CADM2: variants seen among roughly 807,000 people sequenced by gnomAD.
CADM2 encodes the protein immunoglobulin superfamily member 4D.
A neutral mutation model predicts 49.8 loss-of-function variants in CADM2; 12 were observed. The ratio of observed to expected loss-of-function variants is 0.24; its 90% CI spans 0.15 to 0.39. The LOEUF is 0.39. Ranked by LOEUF, CADM2 falls within the 10% of genes least tolerant of loss-of-function variation. The probability of loss-of-function intolerance (pLI) is 1.00; values close to 1 mark genes in which losing one functional copy is unlikely to be tolerated. For synonymous variants in CADM2, 214 were observed against 175.4 expected (o/e 1.22, Z -1.74); for missense variants, 378 against 492.3 (o/e 0.77, Z 2.20).
At chr3:86,012,611 G>C in intron 8 of CADM2, 1 of 1,581,748 alleles carries the variant, frequency 6.3e-7, no homozygotes, top group South Asian at 1.1e-5. Flanking sequence ...CACGCAGTCC[G>C]ACCTGGCCTT....
intron 3 of CADM2, among the ~76,000 whole-genome samples, chr3:85,868,574 G>T (rs2075806812): frequency 1.3e-5 from 2 of 152,100 alleles, no homozygotes; most frequent in South Asian, 2.1e-4. Context: ...TAAATTGGTT[G>T]GTTATGAAAT....
chr3:86,002,126 G>A (rs1482650201), intron 8 of CADM2, among the ~76,000 whole-genome samples: 2 of 151,996 alleles, frequency 1.3e-5, no homozygotes, highest in African/African-American at 4.8e-5. Context: ...CAAAGTAGCT[G>A]GGATTATTAA....
intron 1 of CADM2, among the ~76,000 whole-genome samples, chr3:85,694,652 A>G (rs759225366): frequency 9.9e-5 from 15 of 152,234 alleles, no homozygotes; most frequent in Non-Finnish European, 2.1e-4. Flanking sequence ...TCATTTGATC[A>G]TTTAATTAAA....
intron 1 of CADM2, among the ~76,000 whole-genome samples, chr3:84,999,666 T>C (rs1342823567): frequency 6.6e-6 from 1 of 152,198 alleles, no homozygotes; most frequent in African/African-American, 2.4e-5. Context: ...CAGCTGAGAA[T>C]GTGCATATCA....
At chr3:85,515,516 G>A (rs192714487) in intron 1 of CADM2, among the ~76,000 whole-genome samples, 201 of 148,424 alleles carry the variant, frequency 1.4e-3, no homozygotes, top group Non-Finnish European at 2.2e-3. Context: ...CTCTGCCCCC[G>A]GGTTCAAGCG....
chr3:85,331,168 A>G (rs1156334915), intron 1 of CADM2, among the ~76,000 whole-genome samples: 2 of 152,006 alleles, frequency 1.3e-5, no homozygotes, highest in Admixed American at 6.6e-5. Flanking sequence ...AAAATATGCC[A>G]TAAAATTTTC....
rs60304284 is a variant in CADM2 at position 85,519,085 on chromosome 3, T to C, written c.62-207437T>C. ...AGTATAATGTAAATAATTATAAATA[T>C]ATGTATAATAGAGCATTACACAAAT... On this transcript the variant is annotated intron_variant, in intron 1 of 9. Coordinates refer to ENST00000383699, the MANE Select transcript of CADM2 (RefSeq NM_001167675.2). Among the ~76,000 whole-genome samples, 202 of 152,170 alleles carry C rather than the reference T, an allele frequency of 1.3e-3. 7 individuals carry two copies. The East Asian group carries it at 0.035, about 27-fold the overall frequency.
intron 6 of CADM2, 46 bp downstream of exon 6, chr3:85,912,589 C>T: frequency 6.5e-7 from 1 of 1,542,750 alleles, no homozygotes; most frequent in Non-Finnish European, 8.9e-7. Context: ...CAGCAAATCT[C>T]TTCATCTGCA....
At chr3:85,834,552 G>A (rs1290996480) in intron 3 of CADM2, among the ~76,000 whole-genome samples, 1 of 151,552 alleles carries the variant, frequency 6.6e-6, no homozygotes, top group Non-Finnish European at 1.5e-5. Context: ...TCTGCTTTAT[G>A]TTGGACAATT....
chr3:85,670,331 G>C (rs190129001), intron 1 of CADM2, among the ~76,000 whole-genome samples: 25 of 152,040 alleles, frequency 1.6e-4, no homozygotes, highest in Non-Finnish European at 3.4e-4. Flanking sequence ...ACACATATTT[G>C]TTTTATTCTA....
At chr3:85,617,931 CT>C (rs1288190110) in intron 1 of CADM2, among the ~76,000 whole-genome samples, 1 of 152,066 alleles carries the variant, frequency 6.6e-6, no homozygotes, top group East Asian at 1.9e-4. Context: ...AGGAAGGTGC[CT>C]TTTTTTAAAA....
chr3:85,610,417 A>G (rs1030135513), intron 1 of CADM2, among the ~76,000 whole-genome samples: 2 of 151,962 alleles, frequency 1.3e-5, no homozygotes, highest in South Asian at 2.1e-4. Flanking sequence ...GTTGATATTA[A>G]TAGAGTCACT....
chr3:85,111,816 T>A (rs1240089933), intron 1 of CADM2, among the ~76,000 whole-genome samples: 1 of 151,920 alleles, frequency 6.6e-6, no homozygotes, highest in Non-Finnish European at 1.5e-5. Context: ...TTTAAGGAAA[T>A]GCCATCAACT....
intron 1 of CADM2, among the ~76,000 whole-genome samples, chr3:85,351,376 G>A (rs370958557): frequency 6.6e-6 from 1 of 152,044 alleles, no homozygotes; most frequent in African/African-American, 2.4e-5. Context: ...CATCAAAATA[G>A]GCATAACGTA....
At chr3:85,071,160 T>C (rs1434424641) in intron 1 of CADM2, among the ~76,000 whole-genome samples, 4 of 151,902 alleles carry the variant, frequency 2.6e-5, no homozygotes, top group Admixed American at 6.6e-5. Flanking sequence ...GTAGGAAATA[T>C]ATGTATTGAT....
chr3:85,364,862 G>T (rs539547491), intron 1 of CADM2, among the ~76,000 whole-genome samples: 4 of 138,624 alleles, frequency 2.9e-5, no homozygotes, highest in East Asian at 4.2e-4. Flanking sequence ...TCATATGCTT[G>T]TTCCTACAAC....
intron 1 of CADM2, among the ~76,000 whole-genome samples, chr3:85,086,236 T>C (rs900934466): frequency 6.6e-5 from 10 of 151,846 alleles, no homozygotes; most frequent in Admixed American, 3.3e-4. Flanking sequence ...GAAATAAGAG[T>C]ACGTTAAATT....
chr3:85,027,787 A>G (rs1027792837), intron 1 of CADM2, among the ~76,000 whole-genome samples: 2 of 152,204 alleles, frequency 1.3e-5, no homozygotes, highest in East Asian at 1.9e-4. Context: ...ATATAATAAC[A>G]ATGAACTTGC....
intron 1 of CADM2, among the ~76,000 whole-genome samples, chr3:84,975,994 T>G (rs903702922): frequency 6.6e-6 from 1 of 151,894 alleles, no homozygotes; most frequent in Non-Finnish European, 1.5e-5. Flanking sequence ...TTCTATTGAA[T>G]GAAAGTTTTC....
Sources: allele counts gnomAD v4.1 joint callset (sites outside exome capture counted in the v4.1 genomes callset), GRCh38; gene constraint gnomAD v4.1.1; transcripts MANE v1.5; gene names NCBI Gene and HGNC (gene_info 2026-07-23, HGNC 2026-07-21).